TRMT11: variants seen among roughly 807,000 people sequenced by gnomAD.
TRMT11 encodes tRNA methyltransferase 11, also known as tRNA (guanine(10)-N(2))-methyltransferase TRMT11.
TRMT11 carries 53 observed loss-of-function variants against 62.8 expected under a neutral mutation model. The observed-to-expected ratio is 0.84, with a 90% CI of 0.68 to 1.06. The LOEUF (loss-of-function observed/expected upper bound fraction) is 1.06. Among genes scored for constraint, TRMT11 ranks in the 50% least tolerant of loss-of-function variants. The probability of loss-of-function intolerance (pLI) is 0.00; values close to 1 mark genes in which losing one functional copy is unlikely to be tolerated. For synonymous variants in TRMT11, 188 were observed against 190.3 expected, an observed-to-expected ratio of 0.99 and a Z score of 0.10; for missense variants, 556 against 553.4, an observed-to-expected ratio of 1.00 and a Z score of -0.05.
chr6:126,161,170 T>C, intron 21 of TRMT11, among the ~76,000 whole-genome samples: 1 of 152,144 alleles, frequency 6.6e-6, no homozygotes, highest in Non-Finnish European at 1.5e-5. Flanking sequence ...CATGGTGGTT[T>C]GCTGCACCCA....
intron 16 of TRMT11, among the ~76,000 whole-genome samples, chr6:126,052,829 A>G (rs909073874): frequency 2.6e-5 from 4 of 152,214 alleles, no homozygotes; most frequent in African/African-American, 9.6e-5. Flanking sequence ...GAAACAGATC[A>G]AGAACCTGAA....
intron 8 of TRMT11, 80 bp from the exon 9 acceptor site, chr6:126,011,173 A>G: frequency 7.8e-7 from 1 of 1,277,108 alleles, no homozygotes; most frequent in Non-Finnish European, 1.1e-6. Flanking sequence ...TCAGTGAGTT[A>G]AAACATTACT....
rs76843025 is a variant in TRMT11 at position 126,190,924 on chromosome 6, A to C, written n.144-7875A>C. 8.6e-3 allele frequency among the ~76,000 whole-genome samples: 1,309 copies of C among 152,262 alleles called. 10 individuals are homozygous for C. The highest frequency in any genetic ancestry group is 0.014 in the Non-Finnish European group (955 of 68,008). On this transcript the variant is annotated intron_variant and non_coding_transcript_variant, in intron 1 of 3. Coordinates refer to the TRMT11 transcript ENST00000444229. Reference sequence around the variant, plus strand: ...GACACAGGAGTGCAGATATCTCTTCAACATACTTATTTCCTTTCTTTTGAA... The same window carrying C: ...GACACAGGAGTGCAGATATCTCTTCCACATACTTATTTCCTTTCTTTTGAA...
intron 1 of TRMT11, among the ~76,000 whole-genome samples, chr6:125,991,627 G>T (rs956229979): frequency 2.6e-5 from 4 of 152,048 alleles, no homozygotes. Context: ...TAAAATCAGT[G>T]ATATAGAATC....
intron 11 of TRMT11, among the ~76,000 whole-genome samples, chr6:126,015,083 T>TA (rs35779045): frequency 2.0e-4 from 30 of 149,166 alleles, no homozygotes; most frequent in South Asian, 1.3e-3. Context: ...AGGGCTAAAA[T>TA]AAAAAAAAAA....
At chr6:126,209,646 A>G in the TRMT11 span, among the ~76,000 whole-genome samples, 11 of 151,978 alleles carry the variant, frequency 7.2e-5, no homozygotes, top group African/African-American at 2.4e-4. Flanking sequence ...GAATGGCGTG[A>G]ACTTGGGAGG....
At chr6:126,021,420 A>T in intron 12 of TRMT11, 140 bp downstream of exon 12, 1 of 1,056,856 alleles carries the variant, frequency 9.5e-7, no homozygotes, top group Non-Finnish European at 1.3e-6. Context: ...AAGAGGCAGA[A>T]GTTGAAGAGA....
intron 21 of TRMT11, among the ~76,000 whole-genome samples, chr6:126,160,526 T>C (rs979265275): frequency 1.3e-5 from 2 of 152,114 alleles, no homozygotes; most frequent in Non-Finnish European, 2.9e-5. Context: ...ATCTCAACAA[T>C]AGGAAGACTT....
the TRMT11 span, among the ~76,000 whole-genome samples, chr6:126,243,544 A>T: frequency 6.6e-6 from 1 of 152,242 alleles, no homozygotes; most frequent in Non-Finnish European, 1.5e-5. Flanking sequence ...CCAAATGTCC[A>T]ACAATGATAG....
At chr6:126,216,118 T>C in the TRMT11 span, among the ~76,000 whole-genome samples, 1 of 152,098 alleles carries the variant, frequency 6.6e-6, no homozygotes, top group Non-Finnish European at 1.5e-5. Context: ...TCCTCATTAA[T>C]GTCTTTTTAT....
chr6:126,082,691 C>G (rs1777171334), intron 17 of TRMT11, among the ~76,000 whole-genome samples: 2 of 152,064 alleles, frequency 1.3e-5, no homozygotes, highest in Admixed American at 6.6e-5. Flanking sequence ...GAAACTTAAT[C>G]AAATTTATAA....
the TRMT11 span, among the ~76,000 whole-genome samples, chr6:126,265,488 C>G: frequency 6.6e-6 from 1 of 151,788 alleles, no homozygotes; most frequent in African/African-American, 2.4e-5. Flanking sequence ...GCAACTGAAA[C>G]ATCTAAAACA....
chr6:126,193,363 T>C (rs1022059534), intron 1 of TRMT11, among the ~76,000 whole-genome samples: 2 of 151,926 alleles, frequency 1.3e-5, no homozygotes, highest in Non-Finnish European at 2.9e-5. Flanking sequence ...TTTTTAAGTG[T>C]CATTTTTATT....
intron 21 of TRMT11, among the ~76,000 whole-genome samples, chr6:126,170,252 C>T (rs1471233184): frequency 6.6e-6 from 1 of 152,092 alleles, no homozygotes; most frequent in Non-Finnish European, 1.5e-5. Flanking sequence ...TCTTACCATG[C>T]ATTCATACCT....
intron 11 of TRMT11, 24 bp downstream of exon 11, chr6:126,013,125 T>G: frequency 6.3e-7 from 1 of 1,582,464 alleles, no homozygotes; most frequent in Non-Finnish European, 8.6e-7. Context: ...ATTTTATTTT[T>G]AATTTCATTT....
At chr6:126,164,067 G>A (rs1778230693) in intron 21 of TRMT11, among the ~76,000 whole-genome samples, 1 of 152,138 alleles carries the variant, frequency 6.6e-6, no homozygotes, top group South Asian at 2.1e-4. Context: ...TGTGATGTTA[G>A]GGTGTTGCTT....
chr6:126,120,831 T>C (rs1364520211), intron 21 of TRMT11, among the ~76,000 whole-genome samples: 1 of 152,258 alleles, frequency 6.6e-6, no homozygotes, highest in Non-Finnish European at 1.5e-5. Context: ...CCCAAAGTTA[T>C]ATTAAATAGT....
intron 16 of TRMT11, among the ~76,000 whole-genome samples, chr6:126,046,118 T>C (rs915424212): frequency 6.6e-6 from 1 of 152,174 alleles, no homozygotes; most frequent in African/African-American, 2.4e-5. Context: ...TTCTTGGAGT[T>C]GGCCCCCCAA....
At chr6:126,015,569 T>C (rs549932355) in intron 11 of TRMT11, among the ~76,000 whole-genome samples, 1 of 152,160 alleles carries the variant, frequency 6.6e-6, no homozygotes, top group Non-Finnish European at 1.5e-5. Context: ...TGGTGCCCTC[T>C]TACCTCTATA....
Sources: gnomAD v4.1 joint callset for allele counts (sites outside exome capture counted in the v4.1 genomes callset) on GRCh38, gnomAD v4.1.1 for gene constraint, MANE v1.5 for transcripts, NCBI Gene and HGNC (gene_info 2026-07-23, HGNC 2026-07-21) for gene names.